Variants in LIFR observed in about 807,000 individuals in gnomAD.
LIFR encodes LIF receptor subunit alpha.
Under a neutral mutation model 122.2 loss-of-function variants are expected in LIFR, and 84 were observed. The observed-to-expected ratio is 0.69, with a 90% CI of 0.58 to 0.82. LIFR has a LOEUF of 0.82. Ranked by LOEUF, LIFR falls within the 40% of genes least tolerant of loss-of-function variation. The probability of loss-of-function intolerance (pLI) is 0.00; values close to 1 mark genes in which losing one functional copy is unlikely to be tolerated. For missense variants in LIFR, 1,294 were observed against 1,311.6 expected (o/e 0.99, Z 0.21); for synonymous variants, 422 against 434.7 (o/e 0.97, Z 0.36).
At chr5:38,492,204 A>T (rs1003340860) in intron 14 of LIFR, among the ~76,000 whole-genome samples, 3 of 152,184 alleles carry the variant, frequency 2.0e-5, no homozygotes, top group Admixed American at 1.3e-4. Context: ...ACCTTGGAAA[A>T]GGCACCTAAC....
At chr5:38,568,370 G>A (rs903779256) in intron 1 of LIFR, among the ~76,000 whole-genome samples, 3 of 152,140 alleles carry the variant, frequency 2.0e-5, no homozygotes, top group African/African-American at 7.2e-5. Flanking sequence ...GTTTCTGGGG[G>A]ACCAACAGGC....
At chr5:38,538,440 A>G (rs1747406066) in intron 1 of LIFR, among the ~76,000 whole-genome samples, 1 of 152,206 alleles carries the variant, frequency 6.6e-6, no homozygotes, top group Non-Finnish European at 1.5e-5. Flanking sequence ...TTCAGGCATG[A>G]CAAAATATTC....
chr5:38,516,680 C>T (rs967073317), intron 5 of LIFR, among the ~76,000 whole-genome samples: 5 of 152,064 alleles, frequency 3.3e-5, no homozygotes, highest in African/African-American at 1.2e-4. Context: ...GCAGAAATAC[C>T]ATTTGACCCA....
chr5:38,520,522 C>T (rs1291554210), intron 5 of LIFR, among the ~76,000 whole-genome samples: 2 of 152,242 alleles, frequency 1.3e-5, no homozygotes, highest in East Asian at 3.9e-4. Context: ...AAAATCTTTA[C>T]CTGGACCAAT....
chr5:38,511,754 T>G, intron 6 of LIFR, 36 bp downstream of exon 6: 1 of 1,592,140 alleles, frequency 6.3e-7, no homozygotes, highest in East Asian at 2.2e-5. Flanking sequence ...CTAATTTAAT[T>G]CATCTGAAAC....
At chr5:38,591,150 G>A (rs1749909601) in intron 1 of LIFR, among the ~76,000 whole-genome samples, 1 of 152,240 alleles carries the variant, frequency 6.6e-6, no homozygotes, top group Non-Finnish European at 1.5e-5. Flanking sequence ...CATTGGAACT[G>A]CAGAAGCAAG....
chr5:38,502,475 T>C (rs904496531), intron 11 of LIFR, among the ~76,000 whole-genome samples, 162 bp downstream of exon 11: 1 of 152,124 alleles, frequency 6.6e-6, no homozygotes, highest in Non-Finnish European at 1.5e-5. Context: ...GTCAGGCTGG[T>C]CTCAAACTCC....
At position 38,478,686 on chromosome 5, in the gene LIFR, G is replaced by C; in HGVS notation, c.*2909C>G. 1 of 203,450 alleles carries C rather than the reference G, an allele frequency of 4.9e-6. No individual in the cohort carries two copies. Among genetic ancestry groups the C allele is most frequent in the Non-Finnish European group, 1.0e-5 (1 of 98,768 alleles). 12.6% of individuals were successfully genotyped at this position (203,450 alleles called of 1,614,324 possible). A position where few individuals can be genotyped will look rare whatever the true frequency, so the allele number is the denominator to read the frequency against. On this transcript the variant is annotated 3_prime_UTR_variant, in exon 20 of 20. Transcript: ENST00000453190. ...AGCCCCATAATGATCTCCATTCCTC[G>C]CAAGGGAAGCTTGATTTGAAACTGG...
chr5:38,488,083 T>A (rs1744386144), intron 16 of LIFR, among the ~76,000 whole-genome samples: 1 of 152,200 alleles, frequency 6.6e-6, no homozygotes, highest in East Asian at 1.9e-4. Flanking sequence ...ATCTACCATG[T>A]CTCACTGGAA....
upstream of LIFR, among the ~76,000 whole-genome samples, chr5:38,600,288 A>G (rs1163067740): frequency 6.6e-6 from 1 of 152,200 alleles, no homozygotes; most frequent in Non-Finnish European, 1.5e-5. Context: ...AGCACCTTGG[A>G]CACATATTCT....
At chr5:38,589,763 C>T (rs1414967131) in intron 1 of LIFR, among the ~76,000 whole-genome samples, 2 of 150,462 alleles carry the variant, frequency 1.3e-5, no homozygotes, top group Non-Finnish European at 3.0e-5. Flanking sequence ...CTCCCTCCTT[C>T]TTTGTCCTCG....
At chr5:38,592,363 G>A (rs1399956659) in intron 1 of LIFR, among the ~76,000 whole-genome samples, 1 of 152,118 alleles carries the variant, frequency 6.6e-6, no homozygotes, top group Non-Finnish European at 1.5e-5. Context: ...GAAATTTTAA[G>A]TACATTATGT....
In LIFR at chr5:38,502,790, T is replaced by G. The variant is rs1745259062; in HGVS notation, c.1447A>C (p.Thr483Pro). Residue 483 changes from threonine (T) to proline (P), a missense_variant, in exon 11 of 20, where the codon ACA becomes CCA. By Grantham distance (38) the Thr-to-Pro change is conservative. Coordinates refer to ENST00000453190, the MANE Select transcript of LIFR (RefSeq NM_001127671.2). ...CTTGAATTTTCTACTCCTTTGATTGTGACATTCCGCTATTGGAAAACAAAT... is the reference window on the plus strand; with the variant it reads ...CTTGAATTTTCTACTCCTTTGATTGGGACATTCCGCTATTGGAAAACAAAT... ...SNSVQEQRNVTIKGVENSSYL... is the reference protein window; with the variant it reads ...SNSVQEQRNVPIKGVENSSYL... 6.3e-7 allele frequency: 1 copy of G among 1,592,074 alleles called. No individual in the cohort carries two copies.
rs973805432 is a variant in LIFR at position 38,535,621 on chromosome 5, C to T, written c.-19-4955G>A. Among the ~76,000 whole-genome samples the T allele has an allele frequency of 2.0e-5, 3 of 152,238 alleles. No individual in the cohort carries two copies. The East Asian group carries it at 5.8e-4, about 29-fold the overall frequency. ...GAGTTTGCTGACTTCTGCTCTACTG[C>T]TTCACTTCCTAATCTTATAATTCTC... On this transcript the variant is annotated intron_variant, in intron 1 of 19. Transcript: ENST00000453190.
upstream of LIFR, chr5:38,558,339 T>C (rs1748693170): frequency 6.6e-6 from 1 of 152,128 alleles, no homozygotes; most frequent in Non-Finnish European, 1.5e-5. Flanking sequence ...TTAAGAATAT[T>C]ACATAAAATG....
chr5:38,577,476 T>C (rs1749426064), intron 1 of LIFR, among the ~76,000 whole-genome samples: 1 of 152,142 alleles, frequency 6.6e-6, no homozygotes. Flanking sequence ...ACTGTCCAGA[T>C]AGTGCCTTGC....
At chr5:38,551,870 G>T (rs1475412756) in intron 1 of LIFR, among the ~76,000 whole-genome samples, 3 of 152,208 alleles carry the variant, frequency 2.0e-5, no homozygotes, top group Non-Finnish European at 4.4e-5. Flanking sequence ...CATCCTATAA[G>T]AATGCATGTG....
chr5:38,513,950 A>G (rs1001157588), intron 5 of LIFR, among the ~76,000 whole-genome samples: 2 of 152,162 alleles, frequency 1.3e-5, no homozygotes, highest in African/African-American at 4.8e-5. Flanking sequence ...GGGCATGTAG[A>G]AAAAAACTTT....
chr5:38,581,051 C>T (rs565122330), intron 1 of LIFR, among the ~76,000 whole-genome samples: 7 of 152,150 alleles, frequency 4.6e-5, no homozygotes, highest in Admixed American at 2.6e-4. Context: ...AAAAAAGGAT[C>T]ATTACAATGT....
Sources: allele counts gnomAD v4.1 joint callset (sites outside exome capture counted in the v4.1 genomes callset), GRCh38; gene constraint gnomAD v4.1.1; transcripts MANE v1.5; gene names NCBI Gene and HGNC (gene_info 2026-07-23, HGNC 2026-07-21).